Variants in TF observed in about 807,000 individuals in gnomAD.
TF encodes the protein transferrin.
In TF, 55 loss-of-function variants were observed where a neutral mutation model predicts 82.4. That is an observed-to-expected ratio of 0.67 (90% CI 0.54 to 0.84). The LOEUF (loss-of-function observed/expected upper bound fraction) is 0.84, where lower values mean the gene tolerates loss of function less well. Among genes scored for constraint, TF ranks in the 40% least tolerant of loss-of-function variants. TF has a pLI of 0.00. For missense variants in TF, 737 were observed against 868.4 expected (o/e 0.85, Z 1.90); for synonymous variants, 332 against 332.6 (o/e 1.00, Z 0.02).
chr3:133,777,081 G>A lies in TF; in HGVS notation c.1905G>A (p.Ser635=), dbSNP rs780670064. ...HLFGSNVTDC[S]GNFCLFRSET... is the part of the protein sequence containing the mutation. ...TTGGAAGCAACGTAACTGACTGCTC[G>A]GGCAACTTTTGTTTGTTCCGGTCGG... The change falls in exon 16 of 17, where the codon TCG becomes TCA. Residue 635 remains serine, a synonymous_variant. Transcript: ENST00000402696. 18 of 1,614,134 alleles carry A rather than the reference G, an allele frequency of 1.1e-5. No individual in the cohort carries two copies. The highest frequency in any genetic ancestry group is 1.6e-4 in the Middle Eastern group (1 of 6,062).
chr3:133,699,279 A>G, the TF span, among the ~76,000 whole-genome samples: 1 of 152,036 alleles, frequency 6.6e-6, no homozygotes, highest in Non-Finnish European at 1.5e-5. Context: ...CAGCTGTTTC[A>G]CTCCTGAGGC....
At chr3:133,699,601 A>G in the TF span, 37 of 559,848 alleles carry the variant, frequency 6.6e-5, no homozygotes, top group Non-Finnish European at 1.2e-4. Context: ...GACTTGATCT[A>G]GAAGCTTCTC....
At chr3:133,739,571 C>A in the TF span, among the ~76,000 whole-genome samples, 11 of 151,734 alleles carry the variant, frequency 7.2e-5, no homozygotes, top group African/African-American at 2.7e-4. Flanking sequence ...ATCCCTCCGA[C>A]AAAGGGCTAA....
chr3:133,763,713 T>C (rs1934051937), intron 9 of TF, among the ~76,000 whole-genome samples: 1 of 152,250 alleles, frequency 6.6e-6, no homozygotes, highest in African/African-American at 2.4e-5. Context: ...GACTCATTCA[T>C]TAAACATGTT....
chr3:133,750,125 C>G (rs919628257), intron 2 of TF, among the ~76,000 whole-genome samples: 1 of 152,118 alleles, frequency 6.6e-6, no homozygotes, highest in Non-Finnish European at 1.5e-5. Flanking sequence ...GTTTTAAGTC[C>G]TTTTTAGTAA....
At chr3:133,731,832 C>A in the TF span, among the ~76,000 whole-genome samples, 1 of 152,294 alleles carries the variant, frequency 6.6e-6, no homozygotes, top group East Asian at 1.9e-4. Flanking sequence ...ACATCCAAAC[C>A]CAAGAGTCTT....
At chr3:133,755,159 C>G (rs8177224) in intron 4 of TF, among the ~76,000 whole-genome samples, 43,835 of 152,148 alleles carry the variant, frequency 0.29, 6,853 homozygotes, top group East Asian at 0.44. Flanking sequence ...CCTGTTTCCT[C>G]TGATGGATGG....
chr3:133,779,753 C>T lies in TF; in HGVS notation c.*1133C>T, dbSNP rs950336834. On this transcript the variant is annotated 3_prime_UTR_variant, in exon 17 of 17. Transcript: ENST00000402696. ...TCCCTGCACTTATACATCCTACTAC[C>T]TACCTGTGGGTCTATACTCGAGTCT... 2 of 152,296 alleles carry T rather than the reference C, an allele frequency of 1.3e-5. No individual in the cohort carries two copies. Among genetic ancestry groups the T allele is most frequent in the East Asian group, 3.8e-4 (2 of 5,202 alleles). 9.4% of individuals were successfully genotyped at this position (152,296 alleles called of 1,614,324 possible). A position where few individuals can be genotyped will look rare whatever the true frequency, so the allele number is the denominator to read the frequency against.
chr3:133,770,634 G>A, intron 14 of TF, 62 bp downstream of exon 14: 2 of 1,534,106 alleles, frequency 1.3e-6, no homozygotes, highest in Non-Finnish European at 9.0e-7. Flanking sequence ...GTATTCACTT[G>A]TATTCAGGGA....
At chr3:133,691,568 C>A in the TF span, among the ~76,000 whole-genome samples, 1 of 152,166 alleles carries the variant, frequency 6.6e-6, no homozygotes, top group East Asian at 1.9e-4. Flanking sequence ...GGGAATGCCT[C>A]ACTGAGGAGA....
At chr3:133,704,447 GA>G in the TF span, 419 of 154,522 alleles carry the variant, frequency 2.7e-3, 2 homozygotes, top group African/African-American at 9.3e-3. Flanking sequence ...GGAGCTAGTA[GA>G]AAAAAAAAGT....
chr3:133,665,773 A>G, the TF span, among the ~76,000 whole-genome samples: 2 of 151,956 alleles, frequency 1.3e-5, no homozygotes, highest in Admixed American at 1.3e-4. Flanking sequence ...GAAGAAACCC[A>G]TCTCTACTAA....
rs1559882288 is a variant in TF, at chr3:133,783,174, C to T, written c.*4554C>T. 6.6e-6 allele frequency: 1 copy of T among 152,142 alleles called. No individual in the cohort carries two copies. The highest frequency in any genetic ancestry group is 1.5e-5 in the Non-Finnish European group (1 of 68,024). 9.4% of individuals were successfully genotyped at this position (152,142 alleles called of 1,614,324 possible). The stretch of plus-strand genomic sequence containing the variant: ...TTTTAACTATGTATGTATCTCATAA[C>T]ATGTTGTATACCTTAAATATATTCA... On this transcript the variant is annotated 3_prime_UTR_variant, in exon 17 of 17. Transcript: ENST00000402696.
In TF at chr3:133,757,782, A is replaced by G. The variant is rs1253187408; in HGVS notation, c.884A>G (p.Lys295Arg). ...LLNQAQEHFG[K>R]DKSKEFQLFS... ...TTCTATGAACAGGAACATTTTGGCA[A>G]AGACAAATCAAAAGAATTCCAACTA... The change falls in exon 8 of 17, where the codon AAA (lysine) becomes AGA (arginine). Residue 295 changes from lysine (K) to arginine (R), a missense_variant. Lys to Arg is a conservative substitution (Grantham distance 26). Coordinates refer to ENST00000402696, the MANE Select transcript of TF (RefSeq NM_001063.4). The G allele has an allele frequency of 6.2e-7, 1 of 1,614,208 alleles. No individual in the cohort carries two copies. The highest frequency in any genetic ancestry group is 2.2e-5 in the East Asian group (1 of 44,890).
chr3:133,700,726 C>T, the TF span, among the ~76,000 whole-genome samples: 1 of 152,348 alleles, frequency 6.6e-6, no homozygotes. Context: ...AGCTTTCCCT[C>T]ACCATGAGCC....
At chr3:133,731,326 A>C in the TF span, among the ~76,000 whole-genome samples, 1 of 152,208 alleles carries the variant, frequency 6.6e-6, no homozygotes, top group South Asian at 2.1e-4. Context: ...ATGTTGGAAG[A>C]AATTGTGAAT....
chr3:133,703,327 T>C, the TF span, among the ~76,000 whole-genome samples: 51 of 152,326 alleles, frequency 3.3e-4, no homozygotes, highest in Non-Finnish European at 6.5e-4. Context: ...GATGAAAACA[T>C]GTAAATAGCA....
the TF span, among the ~76,000 whole-genome samples, chr3:133,735,309 T>C: frequency 0.014 from 1,987 of 145,506 alleles, 42 homozygotes; most frequent in African/African-American, 0.047. Context: ...CACTGCACTC[T>C]AGCCTGAGCA....
intron 11 of TF, among the ~76,000 whole-genome samples, chr3:133,765,132 T>A (rs1000930256): frequency 3.9e-5 from 6 of 152,150 alleles, no homozygotes; most frequent in African/African-American, 1.4e-4. Flanking sequence ...GGTTTTGGCA[T>A]CCTCTGAGGA....
Sources: allele counts gnomAD v4.1 joint callset (sites outside exome capture counted in the v4.1 genomes callset), GRCh38; gene constraint gnomAD v4.1.1; transcripts MANE v1.5; gene names NCBI Gene and HGNC (gene_info 2026-07-23, HGNC 2026-07-21).